Variants in LCA5L observed in about 807,000 individuals in gnomAD.
LCA5L encodes lebercilin-like protein.
A neutral mutation model predicts 45.4 loss-of-function variants in LCA5L; 35 were observed. That is an observed-to-expected ratio of 0.77 (90% CI 0.59 to 1.02). LCA5L has a LOEUF of 1.02. LCA5L is among the 50% of genes least tolerant of loss of function. LCA5L has a pLI of 0.00. For missense variants in LCA5L, 668 were observed against 761.6 expected, an observed-to-expected ratio of 0.88 and a Z score of 1.45; for synonymous variants, 233 against 264.7, an observed-to-expected ratio of 0.88 and a Z score of 1.16.
At chr21:39,421,947 A>G (rs961494866) in intron 6 of LCA5L, 4 of 152,248 alleles carry the variant, frequency 2.6e-5, no homozygotes, top group Admixed American at 2.0e-4. Flanking sequence ...ACTTAGATAC[A>G]TACATGAAAA....
At chr21:39,429,723 TAAG>T (rs1349357391) in intron 3 of LCA5L, among the ~76,000 whole-genome samples, 1 of 152,098 alleles carries the variant, frequency 6.6e-6, no homozygotes, top group African/African-American at 2.4e-5. Flanking sequence ...GCATCTAGAT[TAAG>T]AAGAATCCAG....
intron 5 of LCA5L, among the ~76,000 whole-genome samples, chr21:39,424,445 C>T (rs981156522): frequency 6.6e-6 from 1 of 152,222 alleles, no homozygotes. Flanking sequence ...TGCACCACTG[C>T]ATTCCAGCCT....
intron 2 of LCA5L, chr21:39,443,591 G>C (rs1412483099): frequency 1.3e-5 from 2 of 152,226 alleles, no homozygotes; most frequent in South Asian, 2.1e-4. Context: ...GGCGTGGTGG[G>C]AGATCAAATC....
intron 7 of LCA5L, among the ~76,000 whole-genome samples, chr21:39,417,076 A>G (rs1302159669): frequency 6.6e-6 from 1 of 152,240 alleles, no homozygotes; most frequent in East Asian, 1.9e-4. Flanking sequence ...TCTGTCACCC[A>G]GGCTGGAGTG....
At chr21:39,418,662 G>A (rs1017898631) in intron 7 of LCA5L, among the ~76,000 whole-genome samples, 1 of 152,130 alleles carries the variant, frequency 6.6e-6, no homozygotes, top group South Asian at 2.1e-4. Context: ...ACCATGCCAA[G>A]CTAATTTTTG....
chr21:39,412,799 C>A (rs78634661), intron 7 of LCA5L, among the ~76,000 whole-genome samples: 8 of 152,264 alleles, frequency 5.3e-5, no homozygotes, highest in African/African-American at 1.9e-4. Context: ...TCCCCCGCCG[C>A]CCCATTCATC....
chr21:39,414,742 CTGTGTGTG>C (rs66478742), intron 7 of LCA5L, among the ~76,000 whole-genome samples: 220 of 99,232 alleles, frequency 2.2e-3, no homozygotes, highest in African/African-American at 9.1e-3. Flanking sequence ...CTCTCTCTCT[CTGTGTGTG>C]TGTGTGTGTG....
At chr21:39,414,865 C>G (rs968048221) in intron 7 of LCA5L, among the ~76,000 whole-genome samples, 3 of 151,652 alleles carry the variant, frequency 2.0e-5, no homozygotes, top group African/African-American at 7.3e-5. Context: ...TCCAGAAATT[C>G]TTTGTTAGAT....
chr21:39,422,315 T>C (rs777197301), intron 6 of LCA5L: 1 of 152,322 alleles, frequency 6.6e-6, no homozygotes, highest in Non-Finnish European at 1.5e-5. Flanking sequence ...AGGAGAATTC[T>C]TAATATGATA....
intron 2 of LCA5L, among the ~76,000 whole-genome samples, chr21:39,436,483 T>C (rs560605142): frequency 2.6e-5 from 4 of 152,278 alleles, no homozygotes; most frequent in South Asian, 2.1e-4. Flanking sequence ...GGGTAGGTAA[T>C]TACATACATA....
chr21:39,428,496 C>G lies in LCA5L; in HGVS notation c.-3G>C, dbSNP rs1424953559. 2 of 1,509,434 alleles carry G rather than the reference C, an allele frequency of 1.3e-6. No individual in the cohort carries two copies. The highest frequency in any genetic ancestry group is 2.9e-5 in the African/African-American group (2 of 68,620). The allele number at this position is 1,509,434 out of a possible 1,614,324, so 93.5% of individuals were successfully genotyped here. A position where few individuals can be genotyped will look rare whatever the true frequency, so the allele number is the denominator to read the frequency against. Reference sequence around the variant, plus strand: ...TTTGTTAGATCAGCCAAAGACATAGCAAACAACCTAATAAAAGAAAAGTAA... The same window carrying G: ...TTTGTTAGATCAGCCAAAGACATAGGAAACAACCTAATAAAAGAAAAGTAA... On this transcript the variant is annotated 5_prime_UTR_variant, in exon 5 of 11. Coordinates refer to ENST00000288350, the MANE Select transcript of LCA5L (RefSeq NM_152505.4).
intron 7 of LCA5L, among the ~76,000 whole-genome samples, chr21:39,412,282 CTA>C (rs2040220801): frequency 2.6e-5 from 4 of 152,268 alleles, no homozygotes; most frequent in African/African-American, 9.6e-5. Context: ...ATAGAAAGTT[CTA>C]TGAGACAGGG....
intron 1 of LCA5L, chr21:39,444,733 C>T (rs1039736302): frequency 6.6e-6 from 1 of 152,064 alleles, no homozygotes; most frequent in Non-Finnish European, 1.5e-5. Flanking sequence ...ATTTTGAAGG[C>T]AGTGCTGACA....
chr21:39,422,748 T>G (rs764117990), intron 6 of LCA5L: 5 of 557,702 alleles, frequency 9.0e-6, no homozygotes, highest in Non-Finnish European at 1.6e-5. Flanking sequence ...CAGAGTGAAC[T>G]CTTGTGCACT....
At position 39,406,232 on chromosome 21, in the gene LCA5L, T is replaced by A. The variant is rs1268990412; in HGVS notation, c.1663A>T (p.Thr555Ser). The change falls in exon 11 of 11, where the codon ACA (threonine) becomes TCA (serine). Residue 555 changes from threonine to serine, a missense_variant. By Grantham distance (58) the Thr-to-Ser change is moderately conservative. Coordinates refer to ENST00000288350, the MANE Select transcript of LCA5L (RefSeq NM_152505.4). Reference sequence around the variant, plus strand: ...TCTCTGTTACTGAGATGCTTGCCTGTACTATGACTGTACCTCATGTTGCCG... The same window carrying A: ...TCTCTGTTACTGAGATGCTTGCCTGAACTATGACTGTACCTCATGTTGCCG... ...NAGNMRYSHS[T>S]GKHLSNREEM... 2.2e-5 allele frequency: 35 copies of A among 1,614,136 alleles called. No individual in the cohort carries two copies. Among genetic ancestry groups the A allele is most frequent in the African/African-American group, 4.0e-5 (3 of 74,946 alleles).
At position 39,415,848 on chromosome 21, in the gene LCA5L, C is replaced by A. The variant is rs564136649; in HGVS notation, c.976-4046G>T. 2.0e-5 allele frequency among the ~76,000 whole-genome samples: 3 copies of A among 152,310 alleles called. No individual in the cohort carries two copies. In the South Asian group the frequency reaches 6.2e-4, roughly 32 times the overall value. On this transcript the variant is annotated intron_variant, in intron 7 of 10. Transcript: ENST00000288350. The stretch of plus-strand genomic sequence containing the variant: ...TCCCACAGTCTCATGCTGCTGACTG[C>A]ATCCCATCCTGAGCATGTTCCTCTC...
At chr21:39,427,553 T>A (rs2074960521) in intron 5 of LCA5L, among the ~76,000 whole-genome samples, 1 of 151,394 alleles carries the variant, frequency 6.6e-6, no homozygotes, top group Non-Finnish European at 1.5e-5. Flanking sequence ...TCCCAGCTAC[T>A]CAGGAGGCTG....
intron 8 of LCA5L, chr21:39,411,108 C>T (rs2040021894): frequency 6.0e-6 from 2 of 333,704 alleles, no homozygotes; most frequent in African/African-American, 2.2e-5. Flanking sequence ...ACAAAAGCAG[C>T]CAGATACAAA....
intron 7 of LCA5L, among the ~76,000 whole-genome samples, 175 bp from the exon 8 acceptor site, chr21:39,411,977 C>G (rs1003303156): frequency 6.6e-6 from 1 of 152,194 alleles, no homozygotes; most frequent in Non-Finnish European, 1.5e-5. Flanking sequence ...AAAGTACTAG[C>G]TCTTTAAACA....
Sources: allele counts gnomAD v4.1 joint callset (sites outside exome capture counted in the v4.1 genomes callset), GRCh38; gene constraint gnomAD v4.1.1; transcripts MANE v1.5; gene names NCBI Gene and HGNC (gene_info 2026-07-23, HGNC 2026-07-21).